The following TENM4 variants were observed in gnomAD, a reference collection of about 807,000 sequenced individuals.
The protein encoded by TENM4 is teneurin-4.
Under a neutral mutation model 243.3 loss-of-function variants are expected in TENM4, and 82 were observed. That is an observed-to-expected ratio of 0.34 (90% confidence interval 0.28 to 0.40). The LOEUF is 0.40. Among genes scored for constraint, TENM4 ranks in the 10% least tolerant of loss-of-function variants. The probability of loss-of-function intolerance (pLI) is 1.00; values close to 1 mark genes in which losing one functional copy is unlikely to be tolerated. For missense variants in TENM4, 3,138 were observed against 3,673.3 expected (o/e 0.85, Z 3.77); for synonymous variants, 1,412 against 1,456.3 (o/e 0.97, Z 0.69).
chr11:79,166,233 T>C (rs180798015), intron 3 of TENM4, among the ~76,000 whole-genome samples: 2 of 152,240 alleles, frequency 1.3e-5, no homozygotes, highest in East Asian at 3.8e-4. Context: ...CATGCTCTGC[T>C]AGTGATTGTA....
chr11:79,426,779 G>C (rs1281560214), intron 1 of TENM4, among the ~76,000 whole-genome samples: 1 of 152,174 alleles, frequency 6.6e-6, no homozygotes, highest in Non-Finnish European at 1.5e-5. Context: ...CAGGGAAGAT[G>C]AGTTTCGGAT....
At chr11:79,027,866 A>G (rs1470413957) in intron 6 of TENM4, among the ~76,000 whole-genome samples, 1 of 152,182 alleles carries the variant, frequency 6.6e-6, no homozygotes, top group Non-Finnish European at 1.5e-5. Context: ...ACACCGACTG[A>G]GCCTCAATTC....
At chr11:79,273,272 C>T (rs1565278252) in intron 2 of TENM4, among the ~76,000 whole-genome samples, 1 of 152,168 alleles carries the variant, frequency 6.6e-6, no homozygotes, top group East Asian at 1.9e-4. Context: ...TAAGATGCAT[C>T]CTAATTTCAG....
chr11:79,198,549 T>C (rs1863680705), intron 3 of TENM4, among the ~76,000 whole-genome samples: 1 of 152,206 alleles, frequency 6.6e-6, no homozygotes, highest in Non-Finnish European at 1.5e-5. Flanking sequence ...AGAAGTTATG[T>C]GAAGAAACAA....
At chr11:78,831,839 CCAGG>C (rs1857991007) in intron 12 of TENM4, among the ~76,000 whole-genome samples, 3 of 152,198 alleles carry the variant, frequency 2.0e-5, no homozygotes, top group Non-Finnish European at 4.4e-5. Context: ...CTGACAATAA[CCAGG>C]CTGTTGGAAC....
At chr11:79,251,822 CATT>C (rs899154567) in intron 2 of TENM4, among the ~76,000 whole-genome samples, 23 of 140,976 alleles carry the variant, frequency 1.6e-4, no homozygotes, top group Non-Finnish European at 3.2e-4. Context: ...GAAAAAAAAA[CATT>C]ATCACTAAAA....
chr11:78,901,747 T>C (rs947600574), intron 7 of TENM4, among the ~76,000 whole-genome samples: 2 of 152,116 alleles, frequency 1.3e-5, no homozygotes, highest in African/African-American at 4.8e-5. Flanking sequence ...GACACACAAT[T>C]ATCCTACTCT....
intron 3 of TENM4, among the ~76,000 whole-genome samples, chr11:79,200,987 C>G (rs1352881408): frequency 6.6e-6 from 1 of 152,238 alleles, no homozygotes; most frequent in African/African-American, 2.4e-5. Context: ...ATGCCCCACA[C>G]AGCTTTCTGA....
intron 16 of TENM4, among the ~76,000 whole-genome samples, chr11:78,785,456 C>G (rs117957720): frequency 0.013 from 2,030 of 152,234 alleles, 28 homozygotes; most frequent in East Asian, 0.039. Context: ...CTTTATCGTG[C>G]AAGGGCTGCA....
chr11:79,133,798 C>T (rs188755600), intron 4 of TENM4, among the ~76,000 whole-genome samples: 1 of 152,070 alleles, frequency 6.6e-6, no homozygotes, highest in African/African-American at 2.4e-5. Flanking sequence ...ATTCAGCATC[C>T]CTTTATGATT....
Position 78,889,812 on chromosome 11 carries a change from G to C in TENM4, c.1057C>G (p.Leu353Val), listed in dbSNP as rs927922601. The change falls in exon 9 of 34, where the codon CTG becomes GTG. Residue 353 changes from leucine (L) to valine (V), a missense_variant. By Grantham distance (32) the Leu-to-Val change is conservative (BLOSUM62 1). Around this residue, in one of 2 missense-constraint regions of TENM4, gnomAD observed 671 missense variants for 614.1 expected, o/e 1.09. Coordinates refer to ENST00000278550, the MANE Select transcript of TENM4 (RefSeq NM_001098816.3). ...ACAAAGTATGCCAGCAGGATGACCA[G>C]AGTGGCTGAGATGACGATGGCGCTC... ...ALSAIVISAT[L>V]VILLAYFVAM... 4.5e-6 allele frequency: 7 copies of C among 1,551,852 alleles called. No homozygotes were observed. In the African/African-American group the frequency reaches 5.5e-5, roughly 12 times the overall value.
intron 15 of TENM4, among the ~76,000 whole-genome samples, chr11:78,795,429 G>C (rs1591029508): frequency 6.6e-6 from 1 of 152,204 alleles, no homozygotes; most frequent in East Asian, 1.9e-4. Flanking sequence ...GTAAGAGCCT[G>C]CTCTGCTACT....
intron 6 of TENM4, among the ~76,000 whole-genome samples, chr11:78,970,855 G>C (rs1458982508): frequency 6.6e-6 from 1 of 152,030 alleles, no homozygotes; most frequent in Non-Finnish European, 1.5e-5. Flanking sequence ...AAATAAATTT[G>C]TATAAATGTA....
chr11:78,864,433 C>CAAAAA lies in TENM4; in HGVS notation c.1085-1306_1085-1302dup, dbSNP rs145489804. 1.6e-3 allele frequency among the ~76,000 whole-genome samples: 58 copies of CAAAAA among 36,196 alleles called. 1 individual carries two copies. Among genetic ancestry groups the CAAAAA allele is most frequent in the East Asian group, 2.8e-3 (1 of 352 alleles). 23.7% of individuals were successfully genotyped at this position (36,196 alleles called of 152,430 possible). On this transcript the variant is annotated intron_variant, in intron 9 of 33. Coordinates refer to ENST00000278550, the MANE Select transcript of TENM4 (RefSeq NM_001098816.3). ...TGGGCGACAGAGCGAGACTCCGTCT[C>CAAAAA]AAAAAAAAAAAAAAAAAAAAAAAAA...
At chr11:79,233,686 G>C (rs577268052) in intron 2 of TENM4, among the ~76,000 whole-genome samples, 150 of 152,266 alleles carry the variant, frequency 9.9e-4, no homozygotes, top group Non-Finnish European at 1.3e-3. Flanking sequence ...GCCAGTTGGG[G>C]TAGAAGCAGG....
intron 26 of TENM4, 27 bp downstream of exon 26, chr11:78,712,455 G>A: frequency 6.3e-7 from 1 of 1,586,404 alleles, no homozygotes. Context: ...AAATGTTATT[G>A]ACAATGTCTC....
rs752205872 is a variant in TENM4, at chr11:78,701,561, G to A, written c.5052C>T (p.Thr1684=). The change falls in exon 28 of 34, where the codon ACC becomes ACT. Residue 1684 remains threonine (T), a synonymous_variant. Transcript: ENST00000278550. ...TTGTCCATCCGTTTTCATTGCTTTT[G>A]GTTGCCAGAAGGCCGGAATTGCCAT... ...TYHGNSGLLA[T]KSNENGWTTF... The A allele has an allele frequency of 6.3e-7, 1 of 1,597,126 alleles. No homozygotes were observed. The highest frequency in any genetic ancestry group is 8.6e-7 in the Non-Finnish European group (1 of 1,166,590).
In TENM4 at chr11:78,726,155, C is replaced by A. The variant is rs764085563; in HGVS notation, c.3474G>T (p.Leu1158=). Residue 1158 remains leucine, a synonymous_variant, in exon 23 of 34, where the codon CTG becomes CTT. Transcript: ENST00000278550. ...LILWEKRTTV[L]QGYEIDASKL... is the part of the protein sequence containing the mutation. ...TGGACGCGTCAATTTCATAGCCCTG[C>A]AGCACTGTTGTTCTTTTTTCCCACA... The A allele has an allele frequency of 6.2e-7, 1 of 1,614,034 alleles. No homozygotes were observed. Among genetic ancestry groups the A allele is most frequent in the Non-Finnish European group, 8.5e-7 (1 of 1,179,888 alleles).
chr11:78,852,653 G>A (rs533944213), intron 12 of TENM4, among the ~76,000 whole-genome samples: 8 of 152,214 alleles, frequency 5.3e-5, no homozygotes, highest in Non-Finnish European at 1.2e-4. Flanking sequence ...ACTGCACTCC[G>A]GCCCAGGCAA....
Sources: allele counts gnomAD v4.1 joint callset (sites outside exome capture counted in the v4.1 genomes callset), GRCh38; gene constraint gnomAD v4.1.1; regional missense constraint gnomAD v4.1.1; transcripts MANE v1.5; gene names NCBI Gene and HGNC (gene_info 2026-07-23, HGNC 2026-07-21).